Variants in FBXL14 observed in about 807,000 individuals in gnomAD.
The protein encoded by FBXL14 is F-box/LRR-repeat protein 14.
A neutral mutation model predicts 24.5 loss-of-function variants in FBXL14; 11 were observed. That is an observed-to-expected ratio of 0.45 (90% CI 0.28 to 0.74). The LOEUF is 0.74. Ranked by LOEUF, FBXL14 falls within the 30% of genes least tolerant of loss-of-function variation. The pLI is 0.12. For missense variants in FBXL14, 384 were observed against 545.6 expected (o/e 0.70, Z 2.95); for synonymous variants, 294 against 240.4 (o/e 1.22, Z -2.06).
intron 1 of FBXL14, among the ~76,000 whole-genome samples, chr12:1,589,397 CA>C (rs869295084): frequency 0.057 from 629 of 10,984 alleles, 7 homozygotes; most frequent in African/African-American, 0.16. Context: ...GACCTTGTCT[CA>C]AAAAAAAAAA....
rs944121142 is a variant in FBXL14, at chr12:1,567,225, G to T, written c.1195-415C>A. ...CGCCTGTAATCCCAGCACTTTGGGAGGTCGAAGCGGGCGGATCACCTGAGG... is the reference window on the plus strand; with the variant it reads ...CGCCTGTAATCCCAGCACTTTGGGATGTCGAAGCGGGCGGATCACCTGAGG... On this transcript the variant is annotated intron_variant, in intron 1 of 1. Coordinates refer to ENST00000339235, the MANE Select transcript of FBXL14 (RefSeq NM_152441.3). This position sits in a 1 kb window ranked among gnomAD's most constrained non-coding sequence, Gnocchi z 4.8. 3.3e-5 allele frequency among the ~76,000 whole-genome samples: 5 copies of T among 152,166 alleles called. No individual in the cohort carries two copies. The highest frequency in any genetic ancestry group is 1.2e-4 in the African/African-American group (5 of 41,432).
Position 1,585,121 on chromosome 12 carries a change from G to A in FBXL14, c.1194+7752C>T, listed in dbSNP as rs193276613. ...AGAAAAAGGTAGCAGATGTGTGGCC[G>A]GGCGCGGTGGCTCACGCCTGTCATC... On this transcript the variant is annotated intron_variant, in intron 1 of 1. Transcript: ENST00000339235. Among the ~76,000 whole-genome samples the A allele has an allele frequency of 9.0e-4, 137 of 152,276 alleles. 2 individuals carry two copies. Among genetic ancestry groups the A allele is most frequent in the African/African-American group, 2.9e-3 (122 of 41,554 alleles).
In FBXL14 at chr12:1,567,410, T is replaced by C. The variant is rs1330095819; in HGVS notation, c.1195-600A>G. 1.3e-5 allele frequency among the ~76,000 whole-genome samples: 2 copies of C among 152,226 alleles called. No homozygotes were observed. Among genetic ancestry groups the C allele is most frequent in the East Asian group, 3.9e-4 (2 of 5,184 alleles). On this transcript the variant is annotated intron_variant, in intron 1 of 1. Coordinates refer to ENST00000339235, the MANE Select transcript of FBXL14 (RefSeq NM_152441.3). This position sits in a 1 kb window ranked among gnomAD's most constrained non-coding sequence, Gnocchi z 4.8. ...AGGAGGCTGAGGCAAGAGAACCGCT[T>C]GAACCGGGAGGCAGAGGTTGCAGTG...
chr12:1,589,900 G>C (rs1475193195), intron 1 of FBXL14, among the ~76,000 whole-genome samples: 2 of 152,192 alleles, frequency 1.3e-5, no homozygotes, highest in Non-Finnish European at 2.9e-5. Context: ...AGACAAAACA[G>C]AAGAACGTGC....
rs2094442032 is a variant in FBXL14, at chr12:1,569,627, C to G, written c.1195-2817G>C. Among the ~76,000 whole-genome samples, 1 of 152,184 alleles carries G rather than the reference C, an allele frequency of 6.6e-6. No individual in the cohort carries two copies. The highest frequency in any genetic ancestry group is 1.5e-5 in the Non-Finnish European group (1 of 68,026). ...GTGTTAGCCAGGATGGTCTCGATCT[C>G]CTGAACTTGTGATCCGCCCGCCTCG... On this transcript the variant is annotated intron_variant, in intron 1 of 1. Coordinates refer to ENST00000339235, the MANE Select transcript of FBXL14 (RefSeq NM_152441.3). The surrounding 1 kb of genome is among the most constrained non-coding windows in gnomAD (Gnocchi z 4.2).
chr12:1,566,864 T>C (rs1430213809), intron 1 of FBXL14, 54 bp from the exon 2 acceptor site: 9 of 776,910 alleles, frequency 1.2e-5, no homozygotes, highest in Admixed American at 6.8e-5. Flanking sequence ...CGCACTCTGC[T>C]CTTCCTAACG....
At chr12:1,568,604 A>G (rs1213479564) in intron 1 of FBXL14, among the ~76,000 whole-genome samples, 1 of 152,208 alleles carries the variant, frequency 6.6e-6, no homozygotes, top group Non-Finnish European at 1.5e-5. Context: ...TGTAAGGGAA[A>G]TGAGTGACAA....
intron 1 of FBXL14, among the ~76,000 whole-genome samples, chr12:1,582,128 A>AAAGGAAGGAAGG (rs113876889): frequency 6.8e-6 from 1 of 147,954 alleles, no homozygotes; most frequent in South Asian, 2.2e-4. Context: ...TGTCGAAAGA[A>AAAGGAAGGAAGG]AAGGAAGGAA....
At chr12:1,587,439 ACTTT>A (rs1308932849) in intron 1 of FBXL14, 1 of 152,130 alleles carries the variant, frequency 6.6e-6, no homozygotes, top group African/African-American at 2.4e-5. Flanking sequence ...TCTCAAGCTT[ACTTT>A]CTTTTGCACC....
intron 1 of FBXL14, chr12:1,574,881 GTTTA>G (rs1219707926): frequency 2.8e-5 from 4 of 145,330 alleles, no homozygotes; most frequent in African/African-American, 1.0e-4. Context: ...TTTGGTACGA[GTTTA>G]TTTGAGAAGT....
rs931196642 is a variant in FBXL14 at position 1,569,908 on chromosome 12, A to G, written c.1195-3098T>C. On this transcript the variant is annotated intron_variant, in intron 1 of 1. Coordinates refer to ENST00000339235, the MANE Select transcript of FBXL14 (RefSeq NM_152441.3). This position sits in a 1 kb window ranked among gnomAD's most constrained non-coding sequence, Gnocchi z 4.2. ...AGGGCGCACCACATGCCCACTGCAGAGCCAGCATCCCCCTCGAGAGCTGCA... is the reference window on the plus strand; with the variant it reads ...AGGGCGCACCACATGCCCACTGCAGGGCCAGCATCCCCCTCGAGAGCTGCA... Among the ~76,000 whole-genome samples, 2 of 152,342 alleles carry G rather than the reference A, an allele frequency of 1.3e-5. No homozygotes were observed. The highest frequency in any genetic ancestry group is 3.9e-4 in the East Asian group (2 of 5,178).
chr12:1,592,862 C>A lies in FBXL14; in HGVS notation c.1194+11G>T. On this transcript the variant is annotated intron_variant, in intron 1 of 1. Transcript: ENST00000339235. ...GGACAAGGGGAGCTGGTGCTGCCGCCCTCACCTGACCTTCTCACTGTCCGT... is the reference window on the plus strand; with the variant it reads ...GGACAAGGGGAGCTGGTGCTGCCGCACTCACCTGACCTTCTCACTGTCCGT... The A allele has an allele frequency of 6.4e-7, 1 of 1,551,634 alleles. No individual in the cohort carries two copies. The highest frequency in any genetic ancestry group is 1.2e-5 in the South Asian group (1 of 81,038).
At chr12:1,592,835 C>T (rs201833526) in intron 1 of FBXL14, 38 bp downstream of exon 1, 3 of 1,515,914 alleles carry the variant, frequency 2.0e-6, no homozygotes, top group Admixed American at 2.0e-5. Flanking sequence ...ATGAACAGGG[C>T]GGGACAAGGG....
Position 1,593,907 on chromosome 12 carries a change from G to C in FBXL14, c.160C>G (p.Leu54Val). The C allele has an allele frequency of 6.3e-7, 1 of 1,593,518 alleles. No individual in the cohort carries two copies. The highest frequency in any genetic ancestry group is 8.5e-7 in the Non-Finnish European group (1 of 1,175,546). ...VWRGVEAKLH[L>V]RRANPSLFPS... ...AACAGCGACGGGTTGGCCCGGCGCA[G>C]GTGCAGCTTGGCCTCCACCCCCCGC... is the stretch of plus-strand genomic sequence containing the variant. The change falls in exon 1 of 2, where the codon CTG (leucine) becomes GTG (valine). Residue 54 changes from leucine (L) to valine (V), a missense_variant. Physicochemically the swap from Leu to Val is conservative, Grantham distance 32. Transcript: ENST00000339235. The surrounding 1 kb of genome is among the most constrained non-coding windows in gnomAD (Gnocchi z 7.4).
intron 1 of FBXL14, among the ~76,000 whole-genome samples, chr12:1,584,677 C>T (rs898981112): frequency 4.6e-5 from 7 of 152,192 alleles, no homozygotes; most frequent in African/African-American, 1.7e-4. Context: ...GTTCAGGGGG[C>T]CACAGAACTT....
intron 1 of FBXL14, chr12:1,587,510 C>T (rs1469439824): frequency 1.3e-5 from 2 of 152,040 alleles, no homozygotes; most frequent in African/African-American, 2.4e-5. Context: ...GTAAAGGCAA[C>T]TCCAGCAGGC....
chr12:1,589,397 CAAAA>C (rs869295084), intron 1 of FBXL14, among the ~76,000 whole-genome samples: 4 of 10,980 alleles, frequency 3.6e-4, no homozygotes, highest in South Asian at 5.7e-3. Flanking sequence ...GACCTTGTCT[CAAAA>C]AAAAAAAAAA....
chr12:1,567,363 G>T lies in FBXL14; in HGVS notation c.1195-553C>A, dbSNP rs980138015. Among the ~76,000 whole-genome samples the T allele has an allele frequency of 6.6e-6, 1 of 152,056 alleles. No homozygotes were observed. Among genetic ancestry groups the T allele is most frequent in the African/African-American group, 2.4e-5 (1 of 41,392 alleles). The stretch of plus-strand genomic sequence containing the variant: ...AAAAATTAGCTGGGCGTGGTGGCAA[G>T]CACCTGTAATCCCAGCTGCTCAGGA... On this transcript the variant is annotated intron_variant, in intron 1 of 1. Coordinates refer to ENST00000339235, the MANE Select transcript of FBXL14 (RefSeq NM_152441.3). The surrounding 1 kb of genome is among the most constrained non-coding windows in gnomAD (Gnocchi z 4.8).
intron 1 of FBXL14, among the ~76,000 whole-genome samples, chr12:1,584,826 C>T (rs11837673): frequency 0.062 from 9,426 of 152,100 alleles, 546 homozygotes; most frequent in African/African-American, 0.15. Flanking sequence ...GCCATCTTGT[C>T]GTTGTTGTTG....
Sources: gnomAD v4.1 joint callset for allele counts (sites outside exome capture counted in the v4.1 genomes callset) on GRCh38, gnomAD v4.1.1 for gene constraint, Gnocchi (gnomAD v3.1) non-coding constraint, MANE v1.5 for transcripts, NCBI Gene and HGNC (gene_info 2026-07-23, HGNC 2026-07-21) for gene names.